The following SLC14A2 variants were observed in gnomAD, a reference collection of about 807,000 sequenced individuals.
The protein encoded by SLC14A2 is urea transporter 2.
Under a neutral mutation model 104.6 loss-of-function variants are expected in SLC14A2, and 91 were observed. The observed-to-expected ratio is 0.87, with a 90% CI of 0.73 to 1.04. The LOEUF (loss-of-function observed/expected upper bound fraction) is 1.04, where lower values mean the gene tolerates loss of function less well. Among genes scored for constraint, SLC14A2 ranks in the 50% least tolerant of loss-of-function variants. The pLI is 0.00. For missense variants in SLC14A2, 1,189 were observed against 1,156.0 expected (o/e 1.03, Z -0.41); for synonymous variants, 476 against 466.4 (o/e 1.02, Z -0.27).
intron 2 of SLC14A2, chr18:45,528,316 C>A (rs2043629149): frequency 6.6e-6 from 1 of 151,890 alleles, no homozygotes; most frequent in Non-Finnish European, 1.5e-5. Flanking sequence ...TTTAAAGCTG[C>A]CATTAATCTT....
intron 1 of SLC14A2, among the ~76,000 whole-genome samples, chr18:45,263,027 C>A (rs12605970): frequency 0.02 from 3,040 of 152,258 alleles, 149 homozygotes; most frequent in East Asian, 0.17. Context: ...ATATTATTCA[C>A]AAATTCAAGA....
At chr18:45,360,432 T>G (rs959964101) in intron 1 of SLC14A2, among the ~76,000 whole-genome samples, 1 of 152,186 alleles carries the variant, frequency 6.6e-6, no homozygotes, top group Non-Finnish European at 1.5e-5. Context: ...CTCTCCTACC[T>G]CCTAAATCTT....
At chr18:45,467,094 T>A (rs180913492) in intron 1 of SLC14A2, among the ~76,000 whole-genome samples, 4 of 152,162 alleles carry the variant, frequency 2.6e-5, no homozygotes, top group Admixed American at 2.6e-4. Context: ...GACACTCAGT[T>A]TGGGGTAGCC....
intron 1 of SLC14A2, among the ~76,000 whole-genome samples, chr18:45,239,250 C>A (rs1568116251): frequency 6.6e-6 from 1 of 152,190 alleles, no homozygotes; most frequent in South Asian, 2.1e-4. Flanking sequence ...TGAACCAACT[C>A]TTTCTAGGCT....
the SLC14A2 span, among the ~76,000 whole-genome samples, chr18:45,193,725 C>G: frequency 2.0e-5 from 3 of 152,138 alleles, no homozygotes; most frequent in South Asian, 6.2e-4. Flanking sequence ...CAAATTTTAG[C>G]ACCAGTTTTT....
In SLC14A2 at chr18:45,229,091, T is replaced by C. The variant is rs557034822; in HGVS notation, c.-125+15900T>C. Among the ~76,000 whole-genome samples the C allele has an allele frequency of 1.1e-4, 16 of 152,290 alleles. No individual in the cohort carries two copies. The South Asian group carries it at 1.2e-3, about 12-fold the overall frequency. On this transcript the variant is annotated intron_variant, in intron 1 of 20. Transcript: ENST00000586448. Reference sequence around the variant, plus strand: ...TGTATGTTTCCCTGCTTTTGCACTGTGAATTATTGGCCTGTAGTCTTTTCA... The same window carrying C: ...TGTATGTTTCCCTGCTTTTGCACTGCGAATTATTGGCCTGTAGTCTTTTCA...
At chr18:45,641,146 T>A in intron 7 of SLC14A2, 63 bp from the exon 8 acceptor site, 1 of 1,582,236 alleles carries the variant, frequency 6.3e-7, no homozygotes, top group Non-Finnish European at 8.6e-7. Flanking sequence ...CTGGCACCAG[T>A]CCCAGGGTGG....
intron 1 of SLC14A2, among the ~76,000 whole-genome samples, chr18:45,445,036 G>A (rs1487305189): frequency 6.6e-6 from 1 of 151,460 alleles, no homozygotes; most frequent in African/African-American, 2.4e-5. Flanking sequence ...CAAAACAAAT[G>A]GATGATGGGA....
At chr18:45,387,010 G>A (rs2085904504) in intron 1 of SLC14A2, among the ~76,000 whole-genome samples, 1 of 152,084 alleles carries the variant, frequency 6.6e-6, no homozygotes, top group African/African-American at 2.4e-5. Context: ...CTAGACCTTG[G>A]CTTAAACTGT....
intron 1 of SLC14A2, among the ~76,000 whole-genome samples, chr18:45,402,325 A>G (rs1393816387): frequency 1.3e-5 from 2 of 152,258 alleles, no homozygotes; most frequent in African/African-American, 4.8e-5. Flanking sequence ...TGAAGTAATT[A>G]TGAGAGAATA....
intron 1 of SLC14A2, among the ~76,000 whole-genome samples, chr18:45,351,485 GC>G (rs2085503345): frequency 6.6e-6 from 1 of 152,054 alleles, no homozygotes; most frequent in African/African-American, 2.4e-5. Flanking sequence ...CCCCCAAGTA[GC>G]TGGGACTACA....
intron 1 of SLC14A2, among the ~76,000 whole-genome samples, chr18:45,241,929 C>T (rs191262387): frequency 6.6e-6 from 1 of 152,206 alleles, no homozygotes; most frequent in Admixed American, 6.5e-5. Flanking sequence ...AGGTGTGAAC[C>T]ACAGTGCCCG....
intron 1 of SLC14A2, among the ~76,000 whole-genome samples, chr18:45,364,992 T>C (rs570117332): frequency 9.2e-5 from 14 of 152,274 alleles, no homozygotes; most frequent in African/African-American, 3.4e-4. Context: ...TGGGGGGTCA[T>C]AGAATTCTCT....
At chr18:45,472,526 C>T (rs2087270580) in intron 1 of SLC14A2, among the ~76,000 whole-genome samples, 2 of 152,342 alleles carry the variant, frequency 1.3e-5, no homozygotes, top group African/African-American at 4.8e-5. Context: ...TCCACATCCT[C>T]TCCAGCATCT....
chr18:45,414,757 AATATATATATATAT>A (rs71177674), intron 1 of SLC14A2, among the ~76,000 whole-genome samples: 20,704 of 76,386 alleles, frequency 0.27, 3,128 homozygotes, highest in South Asian at 0.47. Context: ...AAAAAAAAAA[AATATATATATATAT>A]ATATATATAT....
chr18:45,537,913 G>A (rs1166763882), intron 2 of SLC14A2, among the ~76,000 whole-genome samples: 1 of 152,126 alleles, frequency 6.6e-6, no homozygotes, highest in Non-Finnish European at 1.5e-5. Flanking sequence ...GAGAGGTCTG[G>A]GTTGGAAATA....
intron 2 of SLC14A2, among the ~76,000 whole-genome samples, chr18:45,536,381 G>A (rs1330563949): frequency 6.6e-6 from 1 of 152,218 alleles, no homozygotes; most frequent in Non-Finnish European, 1.5e-5. Context: ...TGAAATCAAG[G>A]TGTTGGCAAA....
chr18:45,374,977 A>T (rs1011873026), intron 1 of SLC14A2, among the ~76,000 whole-genome samples: 2 of 152,218 alleles, frequency 1.3e-5, no homozygotes, highest in Admixed American at 1.3e-4. Flanking sequence ...ACTTGAATAA[A>T]TAAAGCCTCA....
chr18:45,529,767 C>G (rs1180241851), intron 2 of SLC14A2: 1 of 152,040 alleles, frequency 6.6e-6, no homozygotes, highest in Non-Finnish European at 1.5e-5. Context: ...GCACACCATT[C>G]CTGCATGGAA....
Sources: gnomAD v4.1 joint callset for allele counts (sites outside exome capture counted in the v4.1 genomes callset) on GRCh38, gnomAD v4.1.1 for gene constraint, MANE v1.5 for transcripts, NCBI Gene and HGNC (gene_info 2026-07-23, HGNC 2026-07-21) for gene names.